EXOC2: variants seen among roughly 807,000 people sequenced by gnomAD.
EXOC2 encodes the protein exocyst complex component 2.
EXOC2 carries 70 observed loss-of-function variants against 131.8 expected under a neutral mutation model. That is an observed-to-expected ratio of 0.53 (90% CI 0.44 to 0.65). The LOEUF (loss-of-function observed/expected upper bound fraction) is 0.65, where lower values mean the gene tolerates loss of function less well. Ranked by LOEUF, EXOC2 falls within the 30% of genes least tolerant of loss-of-function variation. EXOC2 has a pLI of 0.00. For missense variants in EXOC2, 923 were observed against 1,108.6 expected (o/e 0.83, Z 2.38); for synonymous variants, 411 against 398.4 (o/e 1.03, Z -0.38).
intron 22 of EXOC2, among the ~76,000 whole-genome samples, chr6:532,928 G>C (rs1045230105): frequency 6.6e-6 from 1 of 152,112 alleles, no homozygotes; most frequent in African/African-American, 2.4e-5. Context: ...GCATGGCTGG[G>C]GAGCCCTCAG....
chr6:548,840 T>C (rs1197448385), intron 22 of EXOC2, among the ~76,000 whole-genome samples: 1 of 152,196 alleles, frequency 6.6e-6, no homozygotes, highest in Non-Finnish European at 1.5e-5. Context: ...GAGTCAAATA[T>C]GAGATAATTC....
intron 23 of EXOC2, among the ~76,000 whole-genome samples, chr6:516,737 T>C (rs1017693175): frequency 6.6e-6 from 1 of 152,232 alleles, no homozygotes; most frequent in Non-Finnish European, 1.5e-5. Flanking sequence ...CACACAGCTG[T>C]GAAGCATGTA....
At chr6:572,126 C>T (rs1381381743) in intron 13 of EXOC2, among the ~76,000 whole-genome samples, 4 of 152,178 alleles carry the variant, frequency 2.6e-5, no homozygotes, top group Admixed American at 6.5e-5. Flanking sequence ...TTCCGGGTGC[C>T]GGCTGCCAAG....
chr6:651,790 G>C (rs929742236), intron 1 of EXOC2, among the ~76,000 whole-genome samples: 11 of 151,948 alleles, frequency 7.2e-5, no homozygotes, highest in African/African-American at 2.7e-4. Context: ...GGGCACAGTG[G>C]CTCACGCCTG....
chr6:574,505 C>T (rs562533337), intron 12 of EXOC2, among the ~76,000 whole-genome samples: 6 of 152,332 alleles, frequency 3.9e-5, no homozygotes, highest in Admixed American at 3.9e-4. Flanking sequence ...CGTGTAAGAA[C>T]CACTGACACG....
Position 667,481 on chromosome 6 carries a change from T to A in EXOC2, c.-44+25538A>T, listed in dbSNP as rs1405467483. Among the ~76,000 whole-genome samples, 26 of 96,986 alleles carry A rather than the reference T, an allele frequency of 2.7e-4. 10 individuals carry two copies. The highest frequency in any genetic ancestry group is 4.9e-4 in the Non-Finnish European group (20 of 41,044). 63.6% of individuals were successfully genotyped at this position (96,986 alleles called of 152,430 possible). The stretch of plus-strand genomic sequence containing the variant: ...CTGGCATTTGAATCAGTGGACCAAG[T>A]AAGAAAGCTCTGTTGTCACCCATTG... On this transcript the variant is annotated intron_variant, in intron 1 of 27. Transcript: ENST00000230449.
intron 4 of EXOC2, among the ~76,000 whole-genome samples, chr6:623,241 C>A (rs887659812): frequency 1.3e-5 from 2 of 152,216 alleles, no homozygotes; most frequent in Non-Finnish European, 2.9e-5. Context: ...GCCCCTGGAG[C>A]TGGATTCTGA....
intron 22 of EXOC2, among the ~76,000 whole-genome samples, chr6:546,581 G>C (rs1756872847): frequency 6.6e-6 from 1 of 152,122 alleles, no homozygotes; most frequent in Admixed American, 6.6e-5. Context: ...CCCTGACACA[G>C]CAAGACCAAC....
At chr6:505,325 G>A (rs1236128086) in intron 23 of EXOC2, among the ~76,000 whole-genome samples, 6 of 152,214 alleles carry the variant, frequency 3.9e-5, no homozygotes, top group African/African-American at 1.4e-4. Context: ...TGCCGGTGAT[G>A]GCTGGGGAAG....
At chr6:561,734 C>T (rs1757709705) in intron 17 of EXOC2, among the ~76,000 whole-genome samples, 1 of 152,126 alleles carries the variant, frequency 6.6e-6, no homozygotes, top group Non-Finnish European at 1.5e-5. Context: ...TACAGGCGCC[C>T]ACCACCATGC....
rs1766763884 is a variant in EXOC2, at chr6:540,691, C to T, written c.2239-8081G>A. Among the ~76,000 whole-genome samples, 3 of 152,190 alleles carry T rather than the reference C, an allele frequency of 2.0e-5. No individual in the cohort carries two copies. The South Asian group carries it at 6.2e-4, about 32-fold the overall frequency. ...TGAAGAATAGAGTGAGAAGGTCTAA[C>T]ATACACCCAATAGGAGATCTTAAAG... On this transcript the variant is annotated intron_variant, in intron 22 of 27. Coordinates refer to ENST00000230449, the MANE Select transcript of EXOC2 (RefSeq NM_018303.6).
intron 1 of EXOC2, among the ~76,000 whole-genome samples, chr6:646,971 A>G (rs1344053536): frequency 3.9e-5 from 6 of 152,266 alleles, no homozygotes; most frequent in African/African-American, 1.4e-4. Flanking sequence ...CAAAGATACC[A>G]AAACACTGCA....
intron 10 of EXOC2, among the ~76,000 whole-genome samples, chr6:593,661 A>C (rs1411150952): frequency 1.3e-5 from 2 of 152,246 alleles, no homozygotes; most frequent in Admixed American, 1.3e-4. Flanking sequence ...AAGCATGTCC[A>C]AATGAATTTA....
chr6:505,266 C>T (rs1375223884), intron 23 of EXOC2, among the ~76,000 whole-genome samples: 1 of 152,192 alleles, frequency 6.6e-6, no homozygotes, highest in Non-Finnish European at 1.5e-5. Context: ...AATTTCCGTT[C>T]AACTCTCACC....
In EXOC2 at chr6:537,428, G is replaced by A. The variant is rs1468662978; in HGVS notation, c.2239-4818C>T. Among the ~76,000 whole-genome samples the A allele has an allele frequency of 3.3e-5, 5 of 151,432 alleles. No homozygotes were observed. In the South Asian group the frequency reaches 6.3e-4, roughly 19 times the overall value. Reference sequence around the variant, plus strand: ...CATGACCGACGGAGCGTACACATGAGGTGACGGCCGACGGAGCGTACACTC... The same window carrying A: ...CATGACCGACGGAGCGTACACATGAAGTGACGGCCGACGGAGCGTACACTC... On this transcript the variant is annotated intron_variant, in intron 22 of 27. Coordinates refer to ENST00000230449, the MANE Select transcript of EXOC2 (RefSeq NM_018303.6).
Position 617,777 on chromosome 6 carries a change from C to T in EXOC2, c.595G>A (p.Glu199Lys). 6.2e-7 allele frequency: 1 copy of T among 1,613,716 alleles called. No individual in the cohort carries two copies. The highest frequency in any genetic ancestry group is 8.5e-7 in the Non-Finnish European group (1 of 1,179,816). The change falls in exon 6 of 28, where the codon GAG becomes AAG. Residue 199 changes from glutamate to lysine, a missense_variant. Physicochemically the swap from Glu to Lys is moderately conservative, Grantham distance 56. Coordinates refer to ENST00000230449, the MANE Select transcript of EXOC2 (RefSeq NM_018303.6). ...CCTTTCACATAGGCCAGGCTGCCCT[C>T]ACTCTTCTTGTTAGCCTGTCTCTTT... ...NLKRQANKKSEGSLAYVKGGL... is the reference protein window; with the variant it reads ...NLKRQANKKSKGSLAYVKGGL...
chr6:623,080 C>A (rs572966071), intron 4 of EXOC2, among the ~76,000 whole-genome samples: 11 of 152,308 alleles, frequency 7.2e-5, no homozygotes, highest in African/African-American at 1.9e-4. Context: ...GGGCCCCTGG[C>A]CAGAAAGCAG....
At chr6:550,614 G>C (rs1040830649) in intron 21 of EXOC2, among the ~76,000 whole-genome samples, 20 of 152,192 alleles carry the variant, frequency 1.3e-4, no homozygotes. Context: ...ACTCCTCCAC[G>C]TTTCGTGAAT....
intron 24 of EXOC2, among the ~76,000 whole-genome samples, chr6:498,735 C>T (rs1763875582): frequency 6.6e-6 from 1 of 152,122 alleles, no homozygotes; most frequent in South Asian, 2.1e-4. Flanking sequence ...TTTCAGTTTA[C>T]CTTGATGGCC....
Sources: gnomAD v4.1 joint callset for allele counts (sites outside exome capture counted in the v4.1 genomes callset) on GRCh38, gnomAD v4.1.1 for gene constraint, MANE v1.5 for transcripts, NCBI Gene and HGNC (gene_info 2026-07-23, HGNC 2026-07-21) for gene names.